The following KALRN variants were observed in gnomAD, a reference collection of about 807,000 sequenced individuals.
The protein encoded by KALRN is kalirin.
KALRN carries 70 observed loss-of-function variants against 353.7 expected under a neutral mutation model. The ratio of observed to expected loss-of-function variants is 0.20; its 90% CI spans 0.16 to 0.24. The LOEUF (loss-of-function observed/expected upper bound fraction) is 0.24, where lower values mean the gene tolerates loss of function less well. KALRN is among the 10% of genes least tolerant of loss of function. The pLI is 1.00. For missense variants in KALRN, 2,791 were observed against 3,756.7 expected, an observed-to-expected ratio of 0.74 and a Z score of 6.72; for synonymous variants, 1,391 against 1,434.8, an observed-to-expected ratio of 0.97 and a Z score of 0.69.
At chr3:124,715,566 T>G (rs1213702661) in intron 58 of KALRN, among the ~76,000 whole-genome samples, 1 of 152,228 alleles carries the variant, frequency 6.6e-6, no homozygotes, top group Non-Finnish European at 1.5e-5. Context: ...CACTCTTACC[T>G]CACCCTTAGC....
intron 1 of KALRN, among the ~76,000 whole-genome samples, chr3:124,035,866 A>G (rs2039364261): frequency 6.6e-6 from 1 of 152,162 alleles, no homozygotes; most frequent in Non-Finnish European, 1.5e-5. Context: ...TGCACTTAGT[A>G]TCAGAGAAAG....
intron 19 of KALRN, 30 bp downstream of exon 19, chr3:124,442,089 C>T: frequency 7.0e-7 from 1 of 1,429,282 alleles, no homozygotes; most frequent in Non-Finnish European, 9.7e-7. Flanking sequence ...AGCCACCAGT[C>T]ACTTCAGCGA....
intron 34 of KALRN, among the ~76,000 whole-genome samples, chr3:124,565,211 C>T (rs529173441): frequency 6.6e-6 from 1 of 152,292 alleles, no homozygotes; most frequent in South Asian, 2.1e-4. Flanking sequence ...CAGCTAAGAC[C>T]GACGTCCTAA....
chr3:124,135,804 C>T (rs1358633963), intron 1 of KALRN, among the ~76,000 whole-genome samples: 1 of 151,984 alleles, frequency 6.6e-6, no homozygotes, highest in Non-Finnish European at 1.5e-5. Flanking sequence ...CCCAGCTGCT[C>T]AACTCAGAGT....
chr3:124,205,605 A>G (rs961358466), intron 1 of KALRN, among the ~76,000 whole-genome samples: 4 of 152,220 alleles, frequency 2.6e-5, no homozygotes, highest in Non-Finnish European at 4.4e-5. Flanking sequence ...CACAGAGTAG[A>G]AGATAGCGGG....
intron 6 of KALRN, among the ~76,000 whole-genome samples, chr3:124,302,457 T>C (rs560376875): frequency 3.9e-5 from 6 of 152,364 alleles, no homozygotes; most frequent in African/African-American, 1.4e-4. Context: ...ATTAATGGCC[T>C]GTGAATTGAA....
At chr3:124,460,929 G>A (rs1057147797) in intron 23 of KALRN, among the ~76,000 whole-genome samples, 1 of 152,184 alleles carries the variant, frequency 6.6e-6, no homozygotes, top group African/African-American at 2.4e-5. Flanking sequence ...ATGGGGGACT[G>A]AGAAGCAGTC....
At position 124,338,624 on chromosome 3, in the gene KALRN, T is replaced by G. The variant is rs571239617; in HGVS notation, c.1647+4129T>G. 6.6e-5 allele frequency among the ~76,000 whole-genome samples: 10 copies of G among 152,300 alleles called. No homozygotes were observed. The South Asian group carries it at 1.5e-3, about 22-fold the overall frequency. The stretch of plus-strand genomic sequence containing the variant: ...GAATGTATATTCTGTTGATTTGGGG[T>G]GGAGAGATCTGTAGATGTCTATTAG... On this transcript the variant is annotated intron_variant, in intron 9 of 59. Transcript: ENST00000682506.
chr3:124,610,033 T>G (rs1235282257), intron 34 of KALRN, among the ~76,000 whole-genome samples: 1 of 152,212 alleles, frequency 6.6e-6, no homozygotes, highest in Non-Finnish European at 1.5e-5. Context: ...TATGAAATCT[T>G]TTTTCCCCAA....
chr3:124,121,013 G>T (rs1008518089), intron 1 of KALRN, among the ~76,000 whole-genome samples: 1 of 137,150 alleles, frequency 7.3e-6, no homozygotes, highest in Non-Finnish European at 1.5e-5. Flanking sequence ...AGAATTGCTT[G>T]AACCCGAGAG....
intron 25 of KALRN, among the ~76,000 whole-genome samples, chr3:124,466,676 C>A (rs2060377112): frequency 6.6e-6 from 1 of 152,164 alleles, no homozygotes; most frequent in African/African-American, 2.4e-5. Flanking sequence ...CCATCAAGTA[C>A]AACCCTCTCC....
intron 1 of KALRN, among the ~76,000 whole-genome samples, chr3:124,108,358 A>G (rs748924130): frequency 1.3e-5 from 2 of 152,220 alleles, no homozygotes; most frequent in African/African-American, 4.8e-5. Flanking sequence ...ATTAATTAGT[A>G]TATTCTTGAC....
At chr3:124,191,906 T>A (rs1038306270) in intron 1 of KALRN, among the ~76,000 whole-genome samples, 2 of 152,226 alleles carry the variant, frequency 1.3e-5, no homozygotes, top group South Asian at 4.1e-4. Flanking sequence ...CTCTGTCTTT[T>A]AATGGGAGGA....
intron 57 of KALRN, 31 bp from the exon 58 acceptor site, chr3:124,712,904 T>A (rs1427467200): frequency 5.3e-6 from 8 of 1,517,194 alleles, no homozygotes; most frequent in Non-Finnish European, 7.3e-6. Context: ...AATTAATGAA[T>A]GTTGGCAAAC....
chr3:124,049,082 A>G (rs2040797087), intron 1 of KALRN, among the ~76,000 whole-genome samples: 1 of 152,142 alleles, frequency 6.6e-6, no homozygotes, highest in Non-Finnish European at 1.5e-5. Flanking sequence ...GTTTAAGGAC[A>G]CTTTTGTTAG....
chr3:124,245,012 CTT>C lies in KALRN; in HGVS notation c.263+10070_263+10071del, dbSNP rs1560342738. The stretch of plus-strand genomic sequence containing the variant: ...TTGTTGGAAACATTCCAAATCTTCT[CTT>C]ATAGCTATTTTGAAATATATTATAA... On this transcript the variant is annotated intron_variant, in intron 3 of 59. Coordinates refer to ENST00000682506, the MANE Select transcript of KALRN (RefSeq NM_001388419.1). 5.4e-5 allele frequency among the ~76,000 whole-genome samples: 8 copies of C among 147,568 alleles called. No homozygotes were observed. In the South Asian group the frequency reaches 1.6e-3, roughly 29 times the overall value.
chr3:124,288,385 G>A (rs997564896), intron 5 of KALRN, among the ~76,000 whole-genome samples: 3 of 152,078 alleles, frequency 2.0e-5, no homozygotes, highest in Non-Finnish European at 4.4e-5. Flanking sequence ...ATTTCATGGT[G>A]GGGGGAAATG....
intron 45 of KALRN, among the ~76,000 whole-genome samples, chr3:124,665,225 G>A (rs2085464323): frequency 6.6e-6 from 1 of 152,182 alleles, no homozygotes; most frequent in Non-Finnish European, 1.5e-5. Flanking sequence ...CCCTCTGATT[G>A]CTCTCTCTGA....
intron 5 of KALRN, among the ~76,000 whole-genome samples, chr3:124,284,482 AGCCATCCAT>A (rs1307209616): frequency 6.6e-6 from 1 of 152,194 alleles, no homozygotes; most frequent in Non-Finnish European, 1.5e-5. Flanking sequence ...GCCACCCAGA[AGCCATCCAT>A]GCTTTTCCCT....
Sources: gnomAD v4.1 joint callset for allele counts (sites outside exome capture counted in the v4.1 genomes callset) on GRCh38, gnomAD v4.1.1 for gene constraint, MANE v1.5 for transcripts, NCBI Gene and HGNC (gene_info 2026-07-23, HGNC 2026-07-21) for gene names.